Variants in SCARA5 observed in about 807,000 individuals in gnomAD.
SCARA5 encodes scavenger receptor class A member 5.
Under a neutral mutation model 46.3 loss-of-function variants are expected in SCARA5, and 45 were observed. The ratio of observed to expected loss-of-function variants is 0.97; its 90% CI spans 0.76 to 1.24. The LOEUF is 1.24. Ranked by LOEUF, SCARA5 falls within the 50% of genes most tolerant of loss-of-function variation. The pLI, the probability that SCARA5 is intolerant of heterozygous loss-of-function variation, is 0.00. For synonymous variants in SCARA5, 333 were observed against 306.5 expected, an observed-to-expected ratio of 1.09 and a Z score of -0.90; for missense variants, 680 against 689.0, an observed-to-expected ratio of 0.99 and a Z score of 0.15.
intron 3 of SCARA5, among the ~76,000 whole-genome samples, chr8:27,947,320 A>C (rs1355706423): frequency 1.3e-5 from 2 of 152,132 alleles, no homozygotes; most frequent in African/African-American, 4.8e-5. Context: ...CCTCTGTTGG[A>C]CTTCCAAGGG....
In SCARA5 at chr8:27,922,205, C is replaced by T; in HGVS notation, c.282G>A (p.Leu94=). The T allele has an allele frequency of 1.3e-6, 2 of 1,589,642 alleles. No homozygotes were observed. The highest frequency in any genetic ancestry group is 1.7e-6 in the Non-Finnish European group (2 of 1,166,854). ...PRSSPDDLKA[L]TRNVNRLNES... Reference sequence around the variant, plus strand: ...CATTCAGCCGGTTCACATTGCGAGTCAGGGCCTTCAGGTCGTCAGGGGAGC... The same window carrying T: ...CATTCAGCCGGTTCACATTGCGAGTTAGGGCCTTCAGGTCGTCAGGGGAGC... Residue 94 remains leucine, a synonymous_variant, in exon 4 of 9, where the codon CTG becomes CTA. Coordinates refer to ENST00000354914, the MANE Select transcript of SCARA5 (RefSeq NM_173833.6).
rs781198035 is a variant in SCARA5, at chr8:27,922,044, C to T, written c.443G>A (p.Arg148Gln). 15 of 1,574,770 alleles carry T rather than the reference C, an allele frequency of 9.5e-6. No individual in the cohort carries two copies. The highest frequency in any genetic ancestry group is 9.2e-5 in the South Asian group (8 of 86,906). ...CAGCCCCCACAGCGCGCCCTCCAGC[C>T]GCTGCACTGCGCCCGCCAGCGCCAG... ...SLLALAGAVQ[R>Q]LEGALWGLQA... Residue 148 changes from arginine (R) to glutamine (Q), a missense_variant, in exon 4 of 9, where the codon CGG becomes CAG. Around this residue, in one of 3 missense-constraint regions of SCARA5, gnomAD observed 438 missense variants for 384.5 expected, o/e 1.14. Transcript: ENST00000354914.
At chr8:27,911,014 A>T (rs1428028253) in intron 4 of SCARA5, among the ~76,000 whole-genome samples, 1 of 152,106 alleles carries the variant, frequency 6.6e-6, no homozygotes, top group African/African-American at 2.4e-5. Flanking sequence ...ACTCTGCAAC[A>T]CCCACAGGGC....
At position 27,871,487 on chromosome 8, in the gene SCARA5, G is replaced by A. The variant is rs1364262536; in HGVS notation, c.*447C>T. ...GTTGCCTCTTGCTGGGGAGGAAGAT[G>A]TAGAAACTCTTGGACTAATGGAGGT... On this transcript the variant is annotated 3_prime_UTR_variant, in exon 9 of 9. Transcript: ENST00000354914. The A allele has an allele frequency of 1.0e-6, 1 of 991,798 alleles. No homozygotes were observed. The highest frequency in any genetic ancestry group is 1.2e-6 in the Non-Finnish European group (1 of 833,808). The allele number at this position is 991,798 out of a possible 1,614,324, so 61.4% of individuals were successfully genotyped here.
chr8:27,972,339 CAA>C (rs1554478691), intron 2 of SCARA5, among the ~76,000 whole-genome samples: 1 of 33,092 alleles, frequency 3.0e-5, no homozygotes, highest in Non-Finnish European at 6.7e-5. Flanking sequence ...CAAAACAAAA[CAA>C]AAAACAAAAC....
intron 7 of SCARA5, among the ~76,000 whole-genome samples, chr8:27,897,987 T>A (rs547735766): frequency 6.6e-6 from 1 of 152,342 alleles, no homozygotes; most frequent in Admixed American, 6.5e-5. Flanking sequence ...GCCTAAGCAT[T>A]TTTTCCCTGC....
chr8:27,925,993 T>C (rs1807674046), intron 3 of SCARA5, among the ~76,000 whole-genome samples: 1 of 152,228 alleles, frequency 6.6e-6, no homozygotes, highest in South Asian at 2.1e-4. Flanking sequence ...GCTTTTACAC[T>C]GTTGGTGGGA....
chr8:27,935,713 C>T (rs926100154), intron 3 of SCARA5, among the ~76,000 whole-genome samples: 4 of 152,330 alleles, frequency 2.6e-5, no homozygotes, highest in East Asian at 1.9e-4. Context: ...CCAACAATGA[C>T]ACGTCTGGAT....
chr8:27,876,537 G>T (rs1806727048), intron 8 of SCARA5, among the ~76,000 whole-genome samples: 1 of 152,148 alleles, frequency 6.6e-6, no homozygotes, highest in Admixed American at 6.5e-5. Flanking sequence ...GGACGGTTCT[G>T]GTGATGGCAA....
intron 3 of SCARA5, among the ~76,000 whole-genome samples, chr8:27,924,846 G>A (rs938025458): frequency 6.6e-6 from 1 of 152,084 alleles, no homozygotes; most frequent in East Asian, 1.9e-4. Flanking sequence ...ACCAATAACA[G>A]ACAAATAGAA....
intron 1 of SCARA5, among the ~76,000 whole-genome samples, chr8:27,989,192 G>A (rs1808751282): frequency 8.0e-6 from 1 of 125,212 alleles, no homozygotes; most frequent in South Asian, 2.7e-4. Context: ...CTGGATGGCA[G>A]TGGTGCAGTC....
chr8:27,935,958 A>G (rs898118553), intron 3 of SCARA5, among the ~76,000 whole-genome samples: 1 of 152,116 alleles, frequency 6.6e-6, no homozygotes, highest in African/African-American at 2.4e-5. Context: ...TTCCTTTTTA[A>G]AGAACCACAT....
At chr8:27,955,183 C>T (rs1808188778) in intron 3 of SCARA5, among the ~76,000 whole-genome samples, 1 of 152,168 alleles carries the variant, frequency 6.6e-6, no homozygotes, top group African/African-American at 2.4e-5. Flanking sequence ...GTTACTGGCA[C>T]CCCCACTAGT....
chr8:27,911,955 G>T (rs191371937), intron 4 of SCARA5, among the ~76,000 whole-genome samples: 19 of 152,280 alleles, frequency 1.2e-4, no homozygotes, highest in Non-Finnish European at 1.9e-4. Context: ...ACAGAGATTG[G>T]AGTGATGCAT....
chr8:27,930,287 T>A (rs1228564595), intron 3 of SCARA5, among the ~76,000 whole-genome samples: 1 of 152,190 alleles, frequency 6.6e-6, no homozygotes, highest in Non-Finnish European at 1.5e-5. Flanking sequence ...GATGGTTTTA[T>A]AAAGGGGAGT....
chr8:27,891,685 T>C (rs1042999679), intron 7 of SCARA5, among the ~76,000 whole-genome samples: 102 of 152,342 alleles, frequency 6.7e-4, no homozygotes, highest in African/African-American at 2.3e-3. Context: ...AAGCACCAGT[T>C]ATCAAACCCA....
At chr8:27,928,307 T>G (rs564875185) in intron 3 of SCARA5, among the ~76,000 whole-genome samples, 1 of 152,348 alleles carries the variant, frequency 6.6e-6, no homozygotes, top group Admixed American at 6.5e-5. Context: ...TTTTAATTAT[T>G]CTTCAACTTT....
At chr8:27,874,029 G>A (rs1411394547) in intron 8 of SCARA5, among the ~76,000 whole-genome samples, 1 of 152,212 alleles carries the variant, frequency 6.6e-6, no homozygotes, top group Non-Finnish European at 1.5e-5. Flanking sequence ...GACAGAGCAA[G>A]ACTCAGTCTC....
intron 3 of SCARA5, among the ~76,000 whole-genome samples, chr8:27,941,307 C>G (rs1020125995): frequency 6.6e-6 from 1 of 152,178 alleles, no homozygotes; most frequent in Non-Finnish European, 1.5e-5. Context: ...GGAATGTTGA[C>G]CTTGGAGTCC....
Sources: gnomAD v4.1 joint callset for allele counts (sites outside exome capture counted in the v4.1 genomes callset) on GRCh38, gnomAD v4.1.1 for gene constraint, gnomAD v4.1.1 regional missense constraint, MANE v1.5 for transcripts, NCBI Gene and HGNC (gene_info 2026-07-23, HGNC 2026-07-21) for gene names.